DDX10: variants seen among roughly 807,000 people sequenced by gnomAD.
The protein encoded by DDX10 is probable ATP-dependent RNA helicase DDX10.
In DDX10, 74 loss-of-function variants were observed where a neutral mutation model predicts 104.3. The observed-to-expected ratio is 0.71, with a 90% CI of 0.59 to 0.86. DDX10 has a LOEUF of 0.86. DDX10 is among the 40% of genes least tolerant of loss of function. The pLI, the probability that DDX10 is intolerant of heterozygous loss-of-function variation, is 0.00. For synonymous variants in DDX10, 351 were observed against 353.4 expected (o/e 0.99, Z 0.08); for missense variants, 952 against 1,040.0 (o/e 0.92, Z 1.16).
At chr11:108,909,564 A>G (rs573239588) in intron 16 of DDX10, among the ~76,000 whole-genome samples, 3 of 152,272 alleles carry the variant, frequency 2.0e-5, no homozygotes, top group Admixed American at 2.0e-4. Flanking sequence ...GCAATCATTA[A>G]GTAAAACCCT....
intron 1 of DDX10, among the ~76,000 whole-genome samples, 175 bp from the exon 2 acceptor site, chr11:108,673,292 G>A (rs1291369338): frequency 1.3e-5 from 2 of 152,070 alleles, no homozygotes; most frequent in Non-Finnish European, 2.9e-5. Context: ...TTCGATTCAG[G>A]GACAGCCTCT....
chr11:108,795,286 T>C (rs1437842435), intron 13 of DDX10, among the ~76,000 whole-genome samples: 2 of 151,798 alleles, frequency 1.3e-5, no homozygotes, highest in Non-Finnish European at 2.9e-5. Context: ...AATTTTTTTT[T>C]TTTTTTTTAT....
chr11:108,844,034 C>G (rs1168722948), intron 15 of DDX10, among the ~76,000 whole-genome samples: 1 of 152,146 alleles, frequency 6.6e-6, no homozygotes. Context: ...AGACTGTCTC[C>G]ATGACTATCT....
At chr11:108,675,225 A>T (rs1304714212) in intron 2 of DDX10, among the ~76,000 whole-genome samples, 3 of 152,122 alleles carry the variant, frequency 2.0e-5, no homozygotes, top group African/African-American at 7.2e-5. Context: ...TGAACATGTG[A>T]GCACAAATAC....
chr11:108,709,488 T>A (rs934054464), intron 10 of DDX10, among the ~76,000 whole-genome samples: 3 of 152,166 alleles, frequency 2.0e-5, no homozygotes, highest in Non-Finnish European at 2.9e-5. Flanking sequence ...CTATTGAGAG[T>A]GTTTATTTCT....
At position 108,682,420 on chromosome 11, in the gene DDX10, T is replaced by C. The variant is rs552090123; in HGVS notation, c.848+2860T>C. The stretch of plus-strand genomic sequence containing the variant: ...GTGCCTGGCCAACTTTAAGTCTAGT[T>C]TGATATTAGTCTACCTATAGCAACT... On this transcript the variant is annotated intron_variant, in intron 6 of 17. Transcript: ENST00000322536. Among the ~76,000 whole-genome samples the C allele has an allele frequency of 4.5e-4, 69 of 152,336 alleles. 1 individual carries two copies. The highest frequency in any genetic ancestry group is 9.3e-4 in the Non-Finnish European group (63 of 68,030).
In DDX10 at chr11:108,688,903, T is replaced by G. The variant is rs752242526; in HGVS notation, c.849-33T>G. The G allele has an allele frequency of 1.7e-5, 28 of 1,604,416 alleles. No homozygotes were observed. The Middle Eastern group carries it at 6.5e-4, about 37-fold the overall frequency. ...GGATTTCAGTTACTTACATGACATATTCTAATGTTTTTCTTTTCCGTAATT... is the reference window on the plus strand; with the variant it reads ...GGATTTCAGTTACTTACATGACATAGTCTAATGTTTTTCTTTTCCGTAATT... On this transcript the variant is annotated intron_variant, in intron 6 of 17. Transcript: ENST00000322536.
At chr11:108,830,516 T>C (rs949176628) in intron 13 of DDX10, among the ~76,000 whole-genome samples, 12 of 152,354 alleles carry the variant, frequency 7.9e-5, no homozygotes, top group Non-Finnish European at 7.3e-5. Flanking sequence ...ATTTACTCTT[T>C]ACTGATTTGG....
In DDX10 at chr11:108,688,824, G is replaced by A. The variant is rs548708347; in HGVS notation, c.849-112G>A. 11 of 1,192,660 alleles carry A rather than the reference G, an allele frequency of 9.2e-6. No homozygotes were observed. The African/African-American group carries it at 1.4e-4, about 15-fold the overall frequency. The allele number at this position is 1,192,660 out of a possible 1,614,324, so 73.9% of individuals were successfully genotyped here. ...ATTCTTTTTTTGGTGTATGTGTGTA[G>A]GAAATTTGCTTGAGAGATGTGCCAC... On this transcript the variant is annotated intron_variant, in intron 6 of 17. Transcript: ENST00000322536.
chr11:108,933,412 G>C (rs750712547), intron 17 of DDX10, among the ~76,000 whole-genome samples: 2 of 152,122 alleles, frequency 1.3e-5, no homozygotes, highest in African/African-American at 4.8e-5. Flanking sequence ...ACTCGAGTTT[G>C]GTCAAAAGAG....
chr11:108,784,631 C>G (rs1389005520), intron 13 of DDX10, among the ~76,000 whole-genome samples: 1 of 152,064 alleles, frequency 6.6e-6, no homozygotes, highest in African/African-American at 2.4e-5. Flanking sequence ...TATTTTTTCT[C>G]CGATTCTGTA....
intron 13 of DDX10, among the ~76,000 whole-genome samples, chr11:108,747,471 T>C (rs2094333230): frequency 6.6e-6 from 1 of 152,118 alleles, no homozygotes; most frequent in African/African-American, 2.4e-5. Context: ...TCCATTTCTG[T>C]AGGGTAGGCT....
At chr11:108,679,848 G>A (rs117718321) in intron 6 of DDX10, among the ~76,000 whole-genome samples, 1,586 of 152,258 alleles carry the variant, frequency 0.01, 14 homozygotes, top group Non-Finnish European at 0.017. Flanking sequence ...CTTAATAAAC[G>A]AAGGGAGAAG....
intron 16 of DDX10, among the ~76,000 whole-genome samples, chr11:108,880,984 T>C (rs1863220564): frequency 1.3e-5 from 2 of 152,232 alleles, no homozygotes; most frequent in African/African-American, 4.8e-5. Flanking sequence ...GTACCACATA[T>C]TTATAGACAG....
intron 16 of DDX10, among the ~76,000 whole-genome samples, chr11:108,894,874 A>G (rs1394469624): frequency 6.6e-6 from 1 of 152,000 alleles, no homozygotes; most frequent in African/African-American, 2.4e-5. Context: ...TTACTACTGG[A>G]AAGAGTATTA....
chr11:108,889,025 G>A (rs986605216), intron 16 of DDX10, among the ~76,000 whole-genome samples: 1 of 152,056 alleles, frequency 6.6e-6, no homozygotes, highest in Non-Finnish European at 1.5e-5. Context: ...CCATCAAATA[G>A]GTTTGTTTGA....
intron 13 of DDX10, among the ~76,000 whole-genome samples, chr11:108,832,167 G>A (rs959606372): frequency 1.3e-5 from 2 of 151,554 alleles, no homozygotes; most frequent in African/African-American, 4.8e-5. Flanking sequence ...ATGAATTGAA[G>A]TATAAAAAGT....
At chr11:108,806,031 G>A (rs745735552) in intron 13 of DDX10, among the ~76,000 whole-genome samples, 8 of 151,708 alleles carry the variant, frequency 5.3e-5, no homozygotes, top group Non-Finnish European at 2.9e-5. Flanking sequence ...GCATGATCTC[G>A]GCTCACTGCA....
chr11:108,674,095 G>A (rs1279436410), intron 2 of DDX10, among the ~76,000 whole-genome samples: 1 of 152,102 alleles, frequency 6.6e-6, no homozygotes, highest in African/African-American at 2.4e-5. Context: ...AGGCCGAGGT[G>A]GGTGGATCAC....
Sources: gnomAD v4.1 joint callset for allele counts (sites outside exome capture counted in the v4.1 genomes callset) on GRCh38, gnomAD v4.1.1 for gene constraint, MANE v1.5 for transcripts, NCBI Gene and HGNC (gene_info 2026-07-23, HGNC 2026-07-21) for gene names.